The following PTPRM variants were observed in gnomAD, a reference collection of about 807,000 sequenced individuals.
PTPRM encodes protein tyrosine phosphatase receptor type M, also known as receptor-type tyrosine-protein phosphatase mu.
In PTPRM, 47 loss-of-function variants were observed where a neutral mutation model predicts 186.7. The ratio of observed to expected loss-of-function variants is 0.25; its 90% CI spans 0.20 to 0.32. The LOEUF (loss-of-function observed/expected upper bound fraction) is 0.32. PTPRM is among the 10% of genes least tolerant of loss of function. PTPRM has a pLI of 1.00. For synonymous variants in PTPRM, 668 were observed against 674.9 expected, an observed-to-expected ratio of 0.99 and a Z score of 0.16; for missense variants, 1,494 against 1,865.0, an observed-to-expected ratio of 0.80 and a Z score of 3.66.
chr18:8,029,747 C>T (rs781532313), intron 7 of PTPRM, among the ~76,000 whole-genome samples: 2 of 152,190 alleles, frequency 1.3e-5, no homozygotes, highest in African/African-American at 4.8e-5. Context: ...AGTTTAGTAT[C>T]TCCTGCATCA....
intron 20 of PTPRM, among the ~76,000 whole-genome samples, chr18:8,297,977 T>C (rs2095115171): frequency 6.6e-6 from 1 of 152,128 alleles, no homozygotes; most frequent in Non-Finnish European, 1.5e-5. Flanking sequence ...TCAACACTTG[T>C]GGGATGCATT....
At chr18:8,320,491 T>G (rs1391454583) in intron 22 of PTPRM, among the ~76,000 whole-genome samples, 1 of 152,218 alleles carries the variant, frequency 6.6e-6, no homozygotes, top group African/African-American at 2.4e-5. Context: ...ATATCATAGC[T>G]ACAAATCACA....
At chr18:8,157,323 G>T (rs2093142549) in intron 14 of PTPRM, among the ~76,000 whole-genome samples, 1 of 152,230 alleles carries the variant, frequency 6.6e-6, no homozygotes, top group African/African-American at 2.4e-5. Flanking sequence ...TATACAAGCT[G>T]TAGCTGCCTC....
At chr18:8,025,270 T>A (rs773683140) in intron 7 of PTPRM, among the ~76,000 whole-genome samples, 4 of 152,132 alleles carry the variant, frequency 2.6e-5, no homozygotes, top group Non-Finnish European at 5.9e-5. Flanking sequence ...GGTCTACATG[T>A]TTGAAAAGAG....
chr18:8,373,746 T>G (rs1050160049), intron 24 of PTPRM, among the ~76,000 whole-genome samples: 2 of 152,132 alleles, frequency 1.3e-5, no homozygotes, highest in African/African-American at 4.8e-5. Flanking sequence ...TAACTGGGTG[T>G]GGTGGCTCAT....
At chr18:8,241,130 C>T (rs554284489) in intron 14 of PTPRM, among the ~76,000 whole-genome samples, 22 of 152,216 alleles carry the variant, frequency 1.4e-4, no homozygotes, top group East Asian at 3.9e-4. Flanking sequence ...GAGTTTGAGA[C>T]GAGCCTGGCC....
At chr18:8,208,153 C>T (rs1169620219) in intron 14 of PTPRM, among the ~76,000 whole-genome samples, 1 of 152,192 alleles carries the variant, frequency 6.6e-6, no homozygotes, top group Admixed American at 6.5e-5. Context: ...CAGGCCTTGG[C>T]CTGATGCGTG....
At chr18:7,787,196 A>C (rs1005063478) in intron 2 of PTPRM, among the ~76,000 whole-genome samples, 2 of 152,190 alleles carry the variant, frequency 1.3e-5, no homozygotes, top group Non-Finnish European at 2.9e-5. Context: ...AATTTACATA[A>C]GTGATCTTGC....
At chr18:8,367,234 C>T (rs911985895) in intron 23 of PTPRM, among the ~76,000 whole-genome samples, 1 of 152,154 alleles carries the variant, frequency 6.6e-6, no homozygotes, top group Non-Finnish European at 1.5e-5. Flanking sequence ...ACAGATGTGG[C>T]AAACCATTTC....
intron 1 of PTPRM, among the ~76,000 whole-genome samples, chr18:7,628,102 G>A (rs1041564006): frequency 6.6e-6 from 1 of 152,116 alleles, no homozygotes; most frequent in Admixed American, 6.5e-5. Flanking sequence ...GCAGTGAGCC[G>A]AGATTGCACC....
chr18:7,864,866 A>G (rs1001410313), intron 2 of PTPRM, among the ~76,000 whole-genome samples: 4 of 152,044 alleles, frequency 2.6e-5, no homozygotes, highest in Admixed American at 6.5e-5. Context: ...GTCCTCACTT[A>G]TTTCCTTCAG....
intron 9 of PTPRM, among the ~76,000 whole-genome samples, chr18:8,079,688 T>C (rs1028700881): frequency 2.0e-5 from 3 of 152,096 alleles, no homozygotes; most frequent in Admixed American, 1.3e-4. Context: ...TAGAAGAACC[T>C]TCTAAGAAAA....
At chr18:7,938,758 C>T (rs908143814) in intron 5 of PTPRM, among the ~76,000 whole-genome samples, 1 of 152,084 alleles carries the variant, frequency 6.6e-6, no homozygotes, top group Non-Finnish European at 1.5e-5. Context: ...CAAAATGAAG[C>T]TCTAAATTTC....
chr18:7,701,556 C>T (rs947684345), intron 1 of PTPRM, among the ~76,000 whole-genome samples: 7 of 151,898 alleles, frequency 4.6e-5, no homozygotes, highest in South Asian at 2.1e-4. Flanking sequence ...GCTGAGATTG[C>T]GCCACTGCAC....
At chr18:8,154,067 G>A (rs563214909) in intron 14 of PTPRM, among the ~76,000 whole-genome samples, 62 of 152,304 alleles carry the variant, frequency 4.1e-4, no homozygotes, top group African/African-American at 1.4e-3. Context: ...CTCTGCAGCA[G>A]CTCTTCCCCA....
chr18:8,236,759 C>T (rs2094350222), intron 14 of PTPRM, among the ~76,000 whole-genome samples: 2 of 150,758 alleles, frequency 1.3e-5, no homozygotes. Context: ...CCAGGGTGGT[C>T]TTGAACCCCT....
intron 1 of PTPRM, among the ~76,000 whole-genome samples, chr18:7,711,472 A>G (rs1169499783): frequency 1.3e-5 from 2 of 152,146 alleles, no homozygotes; most frequent in African/African-American, 4.8e-5. Context: ...TTGGAATGCC[A>G]GAGAGACAGA....
rs377229741 is a variant in PTPRM at position 7,906,607 on chromosome 18, A to G, written c.547+24A>G. On this transcript the variant is annotated intron_variant, in intron 4 of 32. Transcript: ENST00000580170. The stretch of plus-strand genomic sequence containing the variant: ...TAGTAAGTTGTCTTTATTTGTAAAT[A>G]TTCGGGTACATCATTGGGGGCATGT... The G allele has an allele frequency of 5.3e-6, 8 of 1,515,176 alleles. No homozygotes were observed. The African/African-American group carries it at 1.1e-4, about 21-fold the overall frequency. The allele number at this position is 1,515,176 out of a possible 1,614,324, so 93.9% of individuals were successfully genotyped here.
chr18:7,772,463 TTCCTTCCTTCCTTCCTTC>T, intron 1 of PTPRM, among the ~76,000 whole-genome samples: 1 of 48,962 alleles, frequency 2.0e-5, no homozygotes, highest in East Asian at 1.7e-3. Flanking sequence ...CCTTCCTTCC[TTCCTTCCTTCCTTCCTTC>T]CTTCCTTCCT....
Sources: allele counts gnomAD v4.1 joint callset (sites outside exome capture counted in the v4.1 genomes callset), GRCh38; gene constraint gnomAD v4.1.1; transcripts MANE v1.5; gene names NCBI Gene and HGNC (gene_info 2026-07-23, HGNC 2026-07-21).